Variants in GPR12 observed in about 807,000 individuals in gnomAD.
The protein encoded by GPR12 is G-protein coupled receptor 12.
A neutral mutation model predicts 18.9 loss-of-function variants in GPR12; 7 were observed. The observed-to-expected ratio is 0.37, with a 90% CI of 0.21 to 0.70. The LOEUF (loss-of-function observed/expected upper bound fraction) is 0.70, where lower values mean the gene tolerates loss of function less well. GPR12 is among the 30% of genes least tolerant of loss of function. The pLI is 0.54. For missense variants in GPR12, 327 were observed against 427.7 expected, an observed-to-expected ratio of 0.76 and a Z score of 2.08; for synonymous variants, 201 against 188.6, an observed-to-expected ratio of 1.07 and a Z score of -0.54.
In GPR12 at chr13:26,758,060, T is replaced by G. The variant is rs1382309462; in HGVS notation, c.*763A>C. The G allele has an allele frequency of 6.6e-6, 1 of 152,232 alleles. No homozygotes were observed. Among genetic ancestry groups the G allele is most frequent in the Non-Finnish European group, 1.5e-5 (1 of 68,044 alleles). The allele number at this position is 152,232 out of a possible 1,614,324, so 9.4% of individuals were successfully genotyped here. On this transcript the variant is annotated 3_prime_UTR_variant, in exon 2 of 2. Transcript: ENST00000405846. Reference sequence around the variant, plus strand: ...TTCAGGATTCATTTTAGAAAGTACATATTGGAAAACTATATTGAAAAATGA... The same window carrying G: ...TTCAGGATTCATTTTAGAAAGTACAGATTGGAAAACTATATTGAAAAATGA...
Position 26,760,681 on chromosome 13 carries a change from G to C in GPR12, c.-118C>G, listed in dbSNP as rs1195548582. The C allele has an allele frequency of 6.6e-6, 1 of 151,032 alleles. No homozygotes were observed. Among genetic ancestry groups the C allele is most frequent in the East Asian group, 2.0e-4 (1 of 5,088 alleles). The allele number at this position is 151,032 out of a possible 1,614,324, so 9.4% of individuals were successfully genotyped here. Reference sequence around the variant, plus strand: ...TTGCCCGCTGTGGCAAGGGGGGGGCGGCCGGGCTCCGGAGCGGGCCGGGAG... The same window carrying C: ...TTGCCCGCTGTGGCAAGGGGGGGGCCGCCGGGCTCCGGAGCGGGCCGGGAG... On this transcript the variant is annotated 5_prime_UTR_variant, in exon 1 of 2. Transcript: ENST00000405846.
At chr13:26,760,043 G>T in intron 1 of GPR12, 1 of 832,598 alleles carries the variant, frequency 1.2e-6, no homozygotes, top group Non-Finnish European at 1.7e-6. Context: ...CAACAAAAAT[G>T]CCGTTTGGCA....
In GPR12 at chr13:26,759,584, G is replaced by A. The variant is rs1336301593; in HGVS notation, c.244C>T (p.Leu82=). The change falls in exon 2 of 2, where the codon CTA becomes TTA. Residue 82 remains leucine, a synonymous_variant. Transcript: ENST00000405846. Reference sequence around the variant, plus strand: ...TCTGCAAGAGCCAGGCTGCCTATTAGCAGGAACATGGGTGCTCGCAGGCTG... The same window carrying A: ...TCTGCAAGAGCCAGGCTGCCTATTAACAGGAACATGGGTGCTCGCAGGCTG... ...NPSLRAPMFL[L]IGSLALADLL... is the part of the protein sequence containing the mutation. 6.2e-7 allele frequency: 1 copy of A among 1,614,082 alleles called. No individual in the cohort carries two copies. The highest frequency in any genetic ancestry group is 1.3e-5 in the African/African-American group (1 of 74,930).
Position 26,757,083 on chromosome 13 carries a change from ACTT to A in GPR12, c.*1737_*1739del, listed in dbSNP as rs1884389482. 1 of 152,104 alleles carries A rather than the reference ACTT, an allele frequency of 6.6e-6. No homozygotes were observed. The highest frequency in any genetic ancestry group is 2.4e-5 in the African/African-American group (1 of 41,406). The allele number at this position is 152,104 out of a possible 1,614,324, so 9.4% of individuals were successfully genotyped here. On this transcript the variant is annotated 3_prime_UTR_variant, in exon 2 of 2. Coordinates refer to ENST00000405846, the MANE Select transcript of GPR12 (RefSeq NM_005288.4). ...TGGTATGTATTGAAAATTCTTTCCC[ACTT>A]CTTAAGTATTTCAGTCCCTCTCCTG...
rs748712111 is a variant in GPR12, at chr13:26,758,361, A to G, written c.*462T>C. On this transcript the variant is annotated 3_prime_UTR_variant, in exon 2 of 2. Coordinates refer to ENST00000405846, the MANE Select transcript of GPR12 (RefSeq NM_005288.4). ...AAAGGGGTCATATTCTGTTACATAC[A>G]TGCAGCATTAAAAAATCTACCATCA... 40 of 156,126 alleles carry G rather than the reference A, an allele frequency of 2.6e-4. No homozygotes were observed. Among genetic ancestry groups the G allele is most frequent in the Non-Finnish European group, 5.3e-4 (38 of 71,780 alleles). The allele number at this position is 156,126 out of a possible 1,614,324, so 9.7% of individuals were successfully genotyped here.
chr13:26,759,844 T>G lies in GPR12; in HGVS notation c.-15-2A>C. ...TTCATTCATTTTAACCCCTGTCCTCTTCAACGAAAAGACAGGCTTTTTAAT... is the reference window on the plus strand; with the variant it reads ...TTCATTCATTTTAACCCCTGTCCTCGTCAACGAAAAGACAGGCTTTTTAAT... On this transcript the variant is annotated splice_acceptor_variant, in intron 1 of 1. Coordinates refer to ENST00000405846, the MANE Select transcript of GPR12 (RefSeq NM_005288.4). LOFTEE classifies it low-confidence loss of function (5UTR_SPLICE). The G allele has an allele frequency of 6.5e-7, 1 of 1,536,910 alleles. No individual in the cohort carries two copies. The highest frequency in any genetic ancestry group is 8.8e-7 in the Non-Finnish European group (1 of 1,142,052).
Position 26,758,704 on chromosome 13 carries a change from T to A in GPR12, c.*119A>T. 2.2e-6 allele frequency: 3 copies of A among 1,390,462 alleles called. No homozygotes were observed. The highest frequency in any genetic ancestry group is 2.9e-6 in the Non-Finnish European group (3 of 1,044,266). The allele number at this position is 1,390,462 out of a possible 1,614,324, so 86.1% of individuals were successfully genotyped here. On this transcript the variant is annotated 3_prime_UTR_variant, in exon 2 of 2. Coordinates refer to ENST00000405846, the MANE Select transcript of GPR12 (RefSeq NM_005288.4). Reference sequence around the variant, plus strand: ...AACGATGTCATTGTTTCACGAATGCTAAGTGCTCCTGTGGCTTGAGAGGGA... The same window carrying A: ...AACGATGTCATTGTTTCACGAATGCAAAGTGCTCCTGTGGCTTGAGAGGGA...
rs1431258228 is a variant in GPR12 at position 26,758,978 on chromosome 13, A to G, written c.850T>C (p.Tyr284His). Residue 284 changes from tyrosine to histidine, a missense_variant, in exon 2 of 2, where the codon TAC (tyrosine) becomes CAC (histidine). Physicochemically the swap from Tyr to His is moderately conservative, Grantham distance 83 (BLOSUM62 2). Transcript: ENST00000405846. ...TAGGTGGCGGGCAGGAGGGTGGCGT[A>G]GGTATAGATGGAGGGGTAGGTGTAA... Reference protein sequence around the residue: ...ADYTYPSIYTYATLLPATYNS... With the variant: ...ADYTYPSIYTHATLLPATYNS... 5 of 1,614,000 alleles carry G rather than the reference A, an allele frequency of 3.1e-6. No homozygotes were observed. The highest frequency in any genetic ancestry group is 4.2e-6 in the Non-Finnish European group (5 of 1,180,002).
In GPR12 at chr13:26,760,641, C is replaced by G. The variant is rs1010790882; in HGVS notation, c.-78G>C. 6 of 150,984 alleles carry G rather than the reference C, an allele frequency of 4.0e-5. No homozygotes were observed. Among genetic ancestry groups the G allele is most frequent in the African/African-American group, 1.5e-4 (6 of 41,120 alleles). The allele number at this position is 150,984 out of a possible 1,614,324, so 9.4% of individuals were successfully genotyped here. A position where few individuals can be genotyped will look rare whatever the true frequency, so the allele number is the denominator to read the frequency against. On this transcript the variant is annotated 5_prime_UTR_variant, in exon 1 of 2. Coordinates refer to ENST00000405846, the MANE Select transcript of GPR12 (RefSeq NM_005288.4). ...TCCGAAGCGCGTGGGCTACTCGTGT[C>G]GCATGTCGGCGCAGTTGCCCGCTGT...
chr13:26,755,259 A>G lies in GPR12; in HGVS notation c.*3564T>C, dbSNP rs1004197874. ...ATTATACCAGGCATACAATCAATATAGAAACTTAAACATTATTCAAAATCA... is the reference window on the plus strand; with the variant it reads ...ATTATACCAGGCATACAATCAATATGGAAACTTAAACATTATTCAAAATCA... On this transcript the variant is annotated 3_prime_UTR_variant, in exon 2 of 2. Coordinates refer to ENST00000405846, the MANE Select transcript of GPR12 (RefSeq NM_005288.4). 1.3e-5 allele frequency: 2 copies of G among 152,236 alleles called. No individual in the cohort carries two copies. The highest frequency in any genetic ancestry group is 2.9e-5 in the Non-Finnish European group (2 of 68,044). 9.4% of individuals were successfully genotyped at this position (152,236 alleles called of 1,614,324 possible).
At position 26,756,068 on chromosome 13, in the gene GPR12, AATT is replaced by A. The variant is rs1192492984; in HGVS notation, c.*2752_*2754del. On this transcript the variant is annotated 3_prime_UTR_variant, in exon 2 of 2. Coordinates refer to ENST00000405846, the MANE Select transcript of GPR12 (RefSeq NM_005288.4). ...CACATAAATATCCAACATTTTTCAC[AATT>A]TAAACGGTAAAGGCATGTTGTTAGT... The A allele has an allele frequency of 6.6e-6, 1 of 152,260 alleles. No homozygotes were observed. The highest frequency in any genetic ancestry group is 2.4e-5 in the African/African-American group (1 of 41,476). 9.4% of individuals were successfully genotyped at this position (152,260 alleles called of 1,614,324 possible).
rs1198218750 is a variant in GPR12 at position 26,758,018 on chromosome 13, T to A, written c.*805A>T. On this transcript the variant is annotated 3_prime_UTR_variant, in exon 2 of 2. Transcript: ENST00000405846. ...TGGATCTAATCAATCCTACTTCATA[T>A]GAAGATCAAAACCTACTTCAGGATT... is the stretch of plus-strand genomic sequence containing the variant. 2 of 152,222 alleles carry A rather than the reference T, an allele frequency of 1.3e-5. No individual in the cohort carries two copies. Among genetic ancestry groups the A allele is most frequent in the Non-Finnish European group, 2.9e-5 (2 of 68,046 alleles). The allele number at this position is 152,222 out of a possible 1,614,324, so 9.4% of individuals were successfully genotyped here. A position where few individuals can be genotyped will look rare whatever the true frequency, so the allele number is the denominator to read the frequency against.
At position 26,756,497 on chromosome 13, in the gene GPR12, C is replaced by G. The variant is rs1039799639; in HGVS notation, c.*2326G>C. 10 of 152,202 alleles carry G rather than the reference C, an allele frequency of 6.6e-5. No homozygotes were observed. Among genetic ancestry groups the G allele is most frequent in the African/African-American group, 2.2e-4 (9 of 41,418 alleles). The allele number at this position is 152,202 out of a possible 1,614,324, so 9.4% of individuals were successfully genotyped here. On this transcript the variant is annotated 3_prime_UTR_variant, in exon 2 of 2. Coordinates refer to ENST00000405846, the MANE Select transcript of GPR12 (RefSeq NM_005288.4). The stretch of plus-strand genomic sequence containing the variant: ...CACTGCGCCAGGCCAAGTTTTATGT[C>G]TTAAATGTAGAGCCAAAACTCTGTG...
Position 26,755,384 on chromosome 13 carries a change from T to C in GPR12, c.*3439A>G, listed in dbSNP as rs1361524567. ...TATTACTATAAAATAAAGTCAATCA[T>C]TATTTTAATAATGGATTAAGCATTT... is the stretch of plus-strand genomic sequence containing the variant. On this transcript the variant is annotated 3_prime_UTR_variant, in exon 2 of 2. Transcript: ENST00000405846. 1.3e-5 allele frequency: 2 copies of C among 151,574 alleles called. No individual in the cohort carries two copies. The highest frequency in any genetic ancestry group is 4.8e-5 in the African/African-American group (2 of 41,244). The allele number at this position is 151,574 out of a possible 1,614,324, so 9.4% of individuals were successfully genotyped here. A position where few individuals can be genotyped will look rare whatever the true frequency, so the allele number is the denominator to read the frequency against.
In GPR12 at chr13:26,759,249, C is replaced by T; in HGVS notation, c.579G>A (p.Pro193=). Residue 193 remains proline (P), a synonymous_variant, in exon 2 of 2, where the codon CCG becomes CCA. Transcript: ENST00000405846. The stretch of plus-strand genomic sequence containing the variant: ...GGATGGCCGCGTTGTTCTTGGTGAG[C>T]GGTCTGACCACGCTGCAGGTGGACT... ...RDESTCSVVR[P]LTKNNAAILS... is the part of the protein sequence containing the mutation. 2 of 1,612,564 alleles carry T rather than the reference C, an allele frequency of 1.2e-6. No homozygotes were observed. The highest frequency in any genetic ancestry group is 1.7e-5 in the Admixed American group (1 of 59,946).
At position 26,758,686 on chromosome 13, in the gene GPR12, T is replaced by G. The variant is rs975712467; in HGVS notation, c.*137A>C. ...AATCACTTAACTCATCTGAACGATGTCATTGTTTCACGAATGCTAAGTGCT... is the reference window on the plus strand; with the variant it reads ...AATCACTTAACTCATCTGAACGATGGCATTGTTTCACGAATGCTAAGTGCT... On this transcript the variant is annotated 3_prime_UTR_variant, in exon 2 of 2. Transcript: ENST00000405846. The G allele has an allele frequency of 3.2e-6, 4 of 1,265,702 alleles. No homozygotes were observed. The African/African-American group carries it at 6.0e-5, about 19-fold the overall frequency. 78.4% of individuals were successfully genotyped at this position (1,265,702 alleles called of 1,614,324 possible).
intron 1 of GPR12, chr13:26,760,087 C>A: frequency 2.4e-6 from 1 of 423,270 alleles, no homozygotes; most frequent in Non-Finnish European, 4.2e-6. Context: ...TTCAAAACAC[C>A]AGCGTGAGCG....
chr13:26,758,836 G>C lies in GPR12; in HGVS notation c.992C>G (p.Pro331Arg), dbSNP rs767460900. ...GGTGCAAGGGTGCTACACATCACTGGGCGAGCGCGCTCTCTGGGCGAGACT... is the reference window on the plus strand; with the variant it reads ...GGTGCAAGGGTGCTACACATCACTGCGCGAGCGCGCTCTCTGGGCGAGACT... ...PSSLAQRARS[P>R]SDV The change falls in exon 2 of 2, where the codon CCC becomes CGC. Residue 331 changes from proline (P) to arginine (R), a missense_variant. Coordinates refer to ENST00000405846, the MANE Select transcript of GPR12 (RefSeq NM_005288.4). 2.3e-5 allele frequency: 37 copies of C among 1,608,274 alleles called. No homozygotes were observed. The highest frequency in any genetic ancestry group is 5.3e-5 in the African/African-American group (4 of 74,826).
Position 26,758,937 on chromosome 13 carries a change from G to A in GPR12, c.891C>T (p.Asn297=), listed in dbSNP as rs763088466. Residue 297 remains asparagine, a synonymous_variant, in exon 2 of 2, where the codon AAC becomes AAT. Coordinates refer to ENST00000405846, the MANE Select transcript of GPR12 (RefSeq NM_005288.4). ...GGTTTCTGAAAGCATATATGACAGG[G>A]TTGATGATGGAATTGTAGGTGGCGG... ...LLPATYNSII[N]PVIYAFRNQE... 1.2e-6 allele frequency: 2 copies of A among 1,614,144 alleles called. No homozygotes were observed. The highest frequency in any genetic ancestry group is 2.2e-5 in the East Asian group (1 of 44,872).
Sources: allele counts gnomAD v4.1 joint callset, GRCh38; gene constraint gnomAD v4.1.1; transcripts MANE v1.5; gene names NCBI Gene and HGNC (gene_info 2026-07-23, HGNC 2026-07-21).